CFTR: variants seen among roughly 807,000 people sequenced by gnomAD.
CFTR encodes cystic fibrosis transmembrane conductance regulator.
In CFTR, 181 loss-of-function variants were observed where a neutral mutation model predicts 171.6. That is an observed-to-expected ratio of 1.05 (90% CI 0.93 to 1.19). The LOEUF (loss-of-function observed/expected upper bound fraction) is 1.19. CFTR is among the 50% of genes most tolerant of loss of function. The pLI is 0.00. For synonymous variants in CFTR, 583 were observed against 608.0 expected (o/e 0.96, Z 0.60); for missense variants, 1,968 against 1,734.7 (o/e 1.13, Z -2.39).
chr7:117,625,223 G>T (rs1792634666), intron 21 of CFTR, among the ~76,000 whole-genome samples: 2 of 152,144 alleles, frequency 1.3e-5, no homozygotes, highest in African/African-American at 4.8e-5. Flanking sequence ...CATGCTGTGG[G>T]GAGTTATAAT....
At chr7:117,546,358 C>T (rs946180203) in intron 9 of CFTR, among the ~76,000 whole-genome samples, 1 of 152,018 alleles carries the variant, frequency 6.6e-6, no homozygotes, top group Non-Finnish European at 1.5e-5. Flanking sequence ...TGGTCTTGAA[C>T]TCCTGTTCTC....
At chr7:117,616,250 T>C (rs778157808) in intron 21 of CFTR, 5 of 152,100 alleles carry the variant, frequency 3.3e-5, no homozygotes, top group African/African-American at 7.2e-5. Context: ...TTTTTTAGTT[T>C]GATCAGCTCT....
intron 25 of CFTR, 107 bp downstream of exon 25, chr7:117,664,967 G>T (rs769116892): frequency 8.4e-7 from 1 of 1,196,904 alleles, no homozygotes; most frequent in Non-Finnish European, 1.2e-6. Context: ...TGCGTGTGGG[G>T]GTCTCCCCCA....
chr7:117,634,418 T>C (rs542664315), intron 22 of CFTR, among the ~76,000 whole-genome samples: 58 of 152,202 alleles, frequency 3.8e-4, no homozygotes, highest in African/African-American at 1.3e-3. Context: ...ATTTTTGATG[T>C]TTTTGATGAA....
intron 15 of CFTR, among the ~76,000 whole-genome samples, chr7:117,600,808 T>C (rs1481885647): frequency 6.6e-6 from 1 of 152,084 alleles, no homozygotes; most frequent in Non-Finnish European, 1.5e-5. Flanking sequence ...TATCATAAAC[T>C]GCATAAACTT....
intron 1 of CFTR, among the ~76,000 whole-genome samples, chr7:117,495,847 CTGT>C (rs1434568075): frequency 6.6e-6 from 1 of 152,200 alleles, no homozygotes; most frequent in East Asian, 1.9e-4. Context: ...TTTCTGTATA[CTGT>C]TGTTCTTAAT....
intron 22 of CFTR, among the ~76,000 whole-genome samples, chr7:117,641,598 C>T (rs932594857): frequency 6.6e-6 from 1 of 152,112 alleles, no homozygotes; most frequent in Non-Finnish European, 1.5e-5. Context: ...TTAATGACTG[C>T]AGTAGTGTTC....
In CFTR at chr7:117,522,041, T is replaced by A. The variant is rs79541899; in HGVS notation, c.274-8858T>A. Among the ~76,000 whole-genome samples, 373 of 152,324 alleles carry A rather than the reference T, an allele frequency of 2.4e-3. 2 individuals are homozygous for A. Among genetic ancestry groups the A allele is most frequent in the African/African-American group, 8.5e-3 (352 of 41,572 alleles). On this transcript the variant is annotated intron_variant, in intron 3 of 26. Coordinates refer to ENST00000003084, the MANE Select transcript of CFTR (RefSeq NM_000492.4). ...AATGAGATATAACTCCTAGAAGATA[T>A]AGGAGACATTTTTAGTCTTCCAAAT... is the stretch of plus-strand genomic sequence containing the variant.
chr7:117,582,608 C>T (rs1478180014), intron 11 of CFTR, among the ~76,000 whole-genome samples: 1 of 152,002 alleles, frequency 6.6e-6, no homozygotes, highest in Non-Finnish European at 1.5e-5. Flanking sequence ...CCTGGGCCCT[C>T]CTGGAATGCA....
chr7:117,559,540 T>G lies in CFTR; in HGVS notation c.1469T>G (p.Phe490Cys), dbSNP rs772635060. Residue 490 changes from phenylalanine (F) to cysteine (C), a missense_variant, in exon 11 of 27, where the codon TTC (phenylalanine) becomes TGC (cysteine). Phe to Cys is a radical substitution (Grantham distance 205, BLOSUM62 -2). Transcript: ENST00000003084. Reference protein sequence around the residue: ...GKIKHSGRISFCSQFSWIMPG... With the variant: ...GKIKHSGRISCCSQFSWIMPG... ...ATTAAGCACAGTGGAAGAATTTCAT[T>G]CTGTTCTCAGTTTTCCTGGATTATG... The G allele has an allele frequency of 6.2e-7, 1 of 1,612,076 alleles. No individual in the cohort carries two copies. The highest frequency in any genetic ancestry group is 1.7e-5 in the Admixed American group (1 of 60,024).
At chr7:117,498,484 A>T (rs563990872) in intron 1 of CFTR, among the ~76,000 whole-genome samples, 6 of 152,210 alleles carry the variant, frequency 3.9e-5, no homozygotes, top group Admixed American at 3.3e-4. Flanking sequence ...CTTGAAGCCT[A>T]CAAGTTTTAC....
rs397508443 is a variant in CFTR at position 117,603,710 on chromosome 7, A to C, written c.2836A>C (p.Lys946Gln). 6.2e-7 allele frequency: 1 copy of C among 1,614,084 alleles called. No individual in the cohort carries two copies. The highest frequency in any genetic ancestry group is 8.5e-7 in the Non-Finnish European group (1 of 1,179,964). ...GGTGCATACTCTAATCACAGTGTCG[A>C]AAATTTTACACCACAAAATGTTACA... ...PLVHTLITVS[K>Q]ILHHKMLHSV... is the part of the protein sequence containing the mutation. The change falls in exon 17 of 27, where the codon AAA becomes CAA. Residue 946 changes from lysine to glutamine, a missense_variant. Coordinates refer to ENST00000003084, the MANE Select transcript of CFTR (RefSeq NM_000492.4).
At chr7:117,596,251 G>A (rs1017675680) in intron 15 of CFTR, among the ~76,000 whole-genome samples, 7 of 152,234 alleles carry the variant, frequency 4.6e-5, no homozygotes, top group African/African-American at 1.7e-4. Context: ...CAGCCGGCCG[G>A]CCCCGCGAGC....
At chr7:117,554,091 A>G (rs35388998) in intron 10 of CFTR, among the ~76,000 whole-genome samples, 1 of 152,252 alleles carries the variant, frequency 6.6e-6, no homozygotes, top group East Asian at 1.9e-4. Flanking sequence ...TCTGGGTGAG[A>G]TTAGAGGCCA....
intron 23 of CFTR, among the ~76,000 whole-genome samples, chr7:117,646,369 G>A (rs1010533814): frequency 6.6e-6 from 1 of 152,096 alleles, no homozygotes; most frequent in Non-Finnish European, 1.5e-5. Flanking sequence ...TGATAATTAA[G>A]GCGGTTCATA....
rs983706716 is a variant in CFTR, at chr7:117,552,150, A to G, written c.1392+3327A>G. On this transcript the variant is annotated intron_variant, in intron 10 of 26. Coordinates refer to ENST00000003084, the MANE Select transcript of CFTR (RefSeq NM_000492.4). ...TTTTAAAATTTTATTCTTTTTAGAG[A>G]TTAGGTCTTACTCTGTCACCCAGGC... Among the ~76,000 whole-genome samples, 1 of 151,864 alleles carries G rather than the reference A, an allele frequency of 6.6e-6. No individual in the cohort carries two copies. Among genetic ancestry groups the G allele is most frequent in the African/African-American group, 2.4e-5 (1 of 41,256 alleles).
At chr7:117,548,293 T>G (rs1584793124) in intron 9 of CFTR, among the ~76,000 whole-genome samples, 1 of 151,884 alleles carries the variant, frequency 6.6e-6, no homozygotes, top group East Asian at 1.9e-4. Context: ...TGCTGAAGAT[T>G]AAATAATAGT....
chr7:117,575,219 T>C (rs571303607), intron 11 of CFTR, among the ~76,000 whole-genome samples: 140 of 152,288 alleles, frequency 9.2e-4, no homozygotes, highest in African/African-American at 3.1e-3. Flanking sequence ...CAGCCACTTA[T>C]GAAAGTTCCC....
chr7:117,539,674 G>A (rs1385180994), intron 7 of CFTR, among the ~76,000 whole-genome samples: 4 of 151,710 alleles, frequency 2.6e-5, no homozygotes, highest in African/African-American at 9.7e-5. Flanking sequence ...TATAAATCTT[G>A]CAATGTTGTT....
Sources: allele counts gnomAD v4.1 joint callset (sites outside exome capture counted in the v4.1 genomes callset), GRCh38; gene constraint gnomAD v4.1.1; transcripts MANE v1.5; gene names NCBI Gene and HGNC (gene_info 2026-07-23, HGNC 2026-07-21).